The following PRPSAP2 variants were observed in gnomAD, a reference collection of about 807,000 sequenced individuals.
PRPSAP2 encodes phosphoribosyl pyrophosphate synthetase associated protein 2, also known as phosphoribosyl pyrophosphate synthase-associated protein 2.
In PRPSAP2, 24 loss-of-function variants were observed where a neutral mutation model predicts 40.6. That is an observed-to-expected ratio of 0.59 (90% CI 0.43 to 0.83). The LOEUF (loss-of-function observed/expected upper bound fraction) is 0.83, where lower values mean the gene tolerates loss of function less well. Ranked by LOEUF, PRPSAP2 falls within the 40% of genes least tolerant of loss-of-function variation. PRPSAP2 has a pLI of 0.00. For synonymous variants in PRPSAP2, 149 were observed against 164.7 expected (o/e 0.90, Z 0.73); for missense variants, 292 against 465.6 (o/e 0.63, Z 3.43).
chr17:18,856,328 C>A (rs1039271536), upstream of PRPSAP2: 15 of 152,170 alleles, frequency 9.9e-5, no homozygotes, highest in African/African-American at 3.6e-4. Flanking sequence ...GTGGAATCTA[C>A]GCCAGCCACA....
intron 4 of PRPSAP2, among the ~76,000 whole-genome samples, chr17:18,870,123 A>C (rs1340792425): frequency 6.6e-6 from 1 of 152,048 alleles, no homozygotes; most frequent in African/African-American, 2.4e-5. Context: ...ATTTTCCTAC[A>C]TTTTTAATGA....
intron 9 of PRPSAP2, among the ~76,000 whole-genome samples, chr17:18,915,832 T>A (rs1044133680): frequency 1.8e-4 from 27 of 152,100 alleles, no homozygotes; most frequent in African/African-American, 6.0e-4. Flanking sequence ...ATTTTTTTTT[T>A]TTTTTGAGAC....
At position 18,930,721 on chromosome 17, in the gene PRPSAP2, G is replaced by A. The variant is rs2042216339; in HGVS notation, c.*23G>A. 1.9e-6 allele frequency: 3 copies of A among 1,591,916 alleles called. No homozygotes were observed. The highest frequency in any genetic ancestry group is 1.7e-6 in the Non-Finnish European group (2 of 1,165,500). Reference sequence around the variant, plus strand: ...TGAGTTTTCCTTTAGGAAAACTCCCGAGGGCCAAACTGGAAACATAAGAGT... The same window carrying A: ...TGAGTTTTCCTTTAGGAAAACTCCCAAGGGCCAAACTGGAAACATAAGAGT... On this transcript the variant is annotated 3_prime_UTR_variant, in exon 12 of 12. Transcript: ENST00000268835.
At chr17:18,900,821 G>A (rs2040223541) in intron 8 of PRPSAP2, among the ~76,000 whole-genome samples, 1 of 152,106 alleles carries the variant, frequency 6.6e-6, no homozygotes, top group Non-Finnish European at 1.5e-5. Flanking sequence ...GGGTGGTGGT[G>A]GAATTCCTGA....
At chr17:18,925,598 C>T (rs987969392) in intron 10 of PRPSAP2, among the ~76,000 whole-genome samples, 1 of 152,186 alleles carries the variant, frequency 6.6e-6, no homozygotes, top group Non-Finnish European at 1.5e-5. Flanking sequence ...AATGGTACTG[C>T]TTTGAACATC....
At chr17:18,879,659 G>A (rs945033542) in intron 6 of PRPSAP2, among the ~76,000 whole-genome samples, 24 of 151,948 alleles carry the variant, frequency 1.6e-4, no homozygotes, top group African/African-American at 5.8e-4. Flanking sequence ...TCACCATGTT[G>A]GCCATGCTTG....
chr17:18,863,149 T>C (rs964935336), intron 1 of PRPSAP2, among the ~76,000 whole-genome samples: 11 of 152,120 alleles, frequency 7.2e-5, no homozygotes, highest in Non-Finnish European at 1.5e-4. Context: ...TTTTATTTTT[T>C]TGAGACGAGG....
rs769192674 is a variant in PRPSAP2 at position 18,865,858 on chromosome 17, T to G, written c.25T>G (p.Leu9Val). Residue 9 changes from leucine to valine, a missense_variant, in exon 3 of 12, where the codon TTA (leucine) becomes GTA (valine). Leu to Val is a conservative substitution (Grantham distance 32). Around this residue, in one of 2 missense-constraint regions of PRPSAP2, gnomAD observed 51 missense variants for 40.0 expected, o/e 1.28. Transcript: ENST00000268835. MFCVTPPE[L>V]ETKMNITKGG... ...GATGTTTTGTGTGACGCCACCTGAA[T>G]TAGAAACCAAGATGAACATAACCAA... 8 of 1,521,734 alleles carry G rather than the reference T, an allele frequency of 5.3e-6. No individual in the cohort carries two copies. Among genetic ancestry groups the G allele is most frequent in the Non-Finnish European group, 7.1e-6 (8 of 1,123,824 alleles). 94.3% of individuals were successfully genotyped at this position (1,521,734 alleles called of 1,614,324 possible). A position where few individuals can be genotyped will look rare whatever the true frequency, so the allele number is the denominator to read the frequency against.
intron 10 of PRPSAP2, chr17:18,928,325 A>C (rs1368991446): frequency 5.6e-6 from 1 of 178,100 alleles, no homozygotes; most frequent in East Asian, 1.4e-4. Context: ...ATGTAAAAAA[A>C]CATATTTCCC....
chr17:18,901,738 A>G (rs1027461676), intron 8 of PRPSAP2, among the ~76,000 whole-genome samples: 1 of 151,372 alleles, frequency 6.6e-6, no homozygotes, highest in African/African-American at 2.4e-5. Flanking sequence ...TGGCAGAAGG[A>G]GTATTAATAA....
intron 1 of PRPSAP2, among the ~76,000 whole-genome samples, chr17:18,865,201 T>C (rs1225489920): frequency 6.6e-6 from 1 of 152,138 alleles, no homozygotes; most frequent in Non-Finnish European, 1.5e-5. Context: ...TGCCAAAATT[T>C]GGGTGTGACC....
At chr17:18,892,343 T>C (rs78716560) in intron 8 of PRPSAP2, among the ~76,000 whole-genome samples, 1,588 of 152,232 alleles carry the variant, frequency 0.01, 19 homozygotes, top group African/African-American at 0.037. Context: ...CTTGTGGATA[T>C]ATATTAGGAT....
At chr17:18,903,550 A>AT (rs1391776352) in intron 8 of PRPSAP2, among the ~76,000 whole-genome samples, 3 of 152,118 alleles carry the variant, frequency 2.0e-5, no homozygotes, top group African/African-American at 7.2e-5. Context: ...CCTGGGCAAC[A>AT]TGTTGAAACC....
intron 7 of PRPSAP2, among the ~76,000 whole-genome samples, chr17:18,886,007 GCTACTACACCTGGC>G (rs1414946264): frequency 1.3e-5 from 2 of 152,102 alleles, no homozygotes; most frequent in African/African-American, 4.8e-5. Flanking sequence ...ACAGGCATGA[GCTACTACACCTGGC>G]CTGTATTGCC....
chr17:18,861,920 C>G (rs1841983360), intron 1 of PRPSAP2, among the ~76,000 whole-genome samples: 1 of 137,864 alleles, frequency 7.3e-6, no homozygotes, highest in African/African-American at 2.8e-5. Flanking sequence ...GACAGTCTTG[C>G]TCTGTCACCC....
intron 5 of PRPSAP2, among the ~76,000 whole-genome samples, chr17:18,873,263 GGCTTACCGCAACCTCA>G (rs1240248403): frequency 2.1e-5 from 3 of 144,472 alleles, no homozygotes; most frequent in Non-Finnish European, 3.0e-5. Flanking sequence ...ACGCGATCTC[GGCTTACCGCAACCTCA>G]GCTTACCGCA....
chr17:18,872,558 C>G, intron 4 of PRPSAP2, 25 bp from the exon 5 acceptor site: 1 of 1,534,650 alleles, frequency 6.5e-7, no homozygotes. Context: ...GCCTTTCCCT[C>G]TCTTCTTTTT....
chr17:18,904,726 G>A (rs1464854714), intron 8 of PRPSAP2: 1 of 152,212 alleles, frequency 6.6e-6, no homozygotes, highest in African/African-American at 2.4e-5. Flanking sequence ...GAACTTGCTT[G>A]AATGAGTTGT....
intron 8 of PRPSAP2, among the ~76,000 whole-genome samples, chr17:18,892,690 T>A (rs1211175803): frequency 2.4e-5 from 2 of 83,584 alleles, no homozygotes; most frequent in East Asian, 2.7e-4. Flanking sequence ...GCCTGTTGAG[T>A]GTGTGTGTGT....
Sources: allele counts gnomAD v4.1 joint callset (sites outside exome capture counted in the v4.1 genomes callset), GRCh38; gene constraint gnomAD v4.1.1; regional missense constraint gnomAD v4.1.1; transcripts MANE v1.5; gene names NCBI Gene and HGNC (gene_info 2026-07-23, HGNC 2026-07-21).